ATP6V1C2: variants seen among roughly 807,000 people sequenced by gnomAD.
ATP6V1C2 encodes V-type proton ATPase subunit C 2.
A neutral mutation model predicts 56.8 loss-of-function variants in ATP6V1C2; 45 were observed. That is an observed-to-expected ratio of 0.79 (90% CI 0.62 to 1.02). The LOEUF (loss-of-function observed/expected upper bound fraction) is 1.02. Among genes scored for constraint, ATP6V1C2 ranks in the 50% least tolerant of loss-of-function variants. ATP6V1C2 has a pLI of 0.00. For synonymous variants in ATP6V1C2, 220 were observed against 201.3 expected (o/e 1.09, Z -0.79); for missense variants, 463 against 519.7 (o/e 0.89, Z 1.06).
At chr2:10,782,828 T>A (rs1665458063) in intron 13 of ATP6V1C2, among the ~76,000 whole-genome samples, 1 of 32,854 alleles carries the variant, frequency 3.0e-5, no homozygotes, top group African/African-American at 1.8e-4. Flanking sequence ...AGACTCTGTC[T>A]CAAAAAAAAA....
rs973080905 is a variant in ATP6V1C2, at chr2:10,722,821, C to A, written c.-26-3C>A. ...TGTGTATGTTTGTCCTGGTTCTGGG[C>A]AGTCACTGGGTAAGAGAAGACTGGA... On this transcript the variant is annotated splice_region_variant and splice_polypyrimidine_tract_variant and intron_variant, in intron 1 of 13. Coordinates refer to ENST00000272238, the MANE Select transcript of ATP6V1C2 (RefSeq NM_001039362.2). The A allele has an allele frequency of 3.1e-6, 5 of 1,612,346 alleles. No homozygotes were observed. In the African/African-American group the frequency reaches 4.0e-5, roughly 13 times the overall value.
intron 2 of ATP6V1C2, 30 bp downstream of exon 2, chr2:10,723,008 G>A: frequency 6.2e-7 from 1 of 1,613,072 alleles, no homozygotes; most frequent in Non-Finnish European, 8.5e-7. Context: ...GTGAAAAAGG[G>A]ATGGATTGGT....
At chr2:10,742,770 C>T (rs1049699908) in intron 3 of ATP6V1C2, among the ~76,000 whole-genome samples, 50 of 152,164 alleles carry the variant, frequency 3.3e-4, no homozygotes, top group Non-Finnish European at 8.8e-5. Context: ...ATCAGCAGGG[C>T]TAAGAGGTGC....
intron 3 of ATP6V1C2, among the ~76,000 whole-genome samples, chr2:10,751,638 T>C (rs779203794): frequency 2.6e-5 from 4 of 152,070 alleles, no homozygotes; most frequent in Non-Finnish European, 5.9e-5. Context: ...ACATAACGAC[T>C]GGATGGTTGG....
In ATP6V1C2 at chr2:10,754,079, G is replaced by A. The variant is rs758385263; in HGVS notation, c.283+13G>A. On this transcript the variant is annotated intron_variant, in intron 4 of 13. Coordinates refer to ENST00000272238, the MANE Select transcript of ATP6V1C2 (RefSeq NM_001039362.2). ...CTGGCAAACGGAGGTAGGTAGGGCG[G>A]CCCTCTGATGTGGAGCACAATCTCC... The A allele has an allele frequency of 6.4e-5, 101 of 1,585,578 alleles. No homozygotes were observed. The highest frequency in any genetic ancestry group is 1.6e-4 in the Admixed American group (9 of 57,504).
At chr2:10,731,905 C>T (rs1050665411) in intron 3 of ATP6V1C2, among the ~76,000 whole-genome samples, 6 of 151,610 alleles carry the variant, frequency 4.0e-5, no homozygotes, top group Non-Finnish European at 5.9e-5. Flanking sequence ...CCCAGGAGGT[C>T]GAGGCTGCAG....
At position 10,753,173 on chromosome 2, in the gene ATP6V1C2, A is replaced by G. The variant is rs186871794; in HGVS notation, c.198-808A>G. Among the ~76,000 whole-genome samples, 51 of 152,362 alleles carry G rather than the reference A, an allele frequency of 3.3e-4. 1 individual carries two copies. The East Asian group carries it at 7.9e-3, about 24-fold the overall frequency. On this transcript the variant is annotated intron_variant, in intron 3 of 13. Coordinates refer to ENST00000272238, the MANE Select transcript of ATP6V1C2 (RefSeq NM_001039362.2). ...CTAATTGTAAAAGCAATATCTGATT[A>G]TAATTGGAAAATATGTAAAGTAGGA...
intron 10 of ATP6V1C2, among the ~76,000 whole-genome samples, chr2:10,775,764 G>A (rs1664924631): frequency 6.6e-6 from 1 of 152,196 alleles, no homozygotes; most frequent in African/African-American, 2.4e-5. Context: ...CTGCTGCGAT[G>A]CTGGGCTAGG....
Position 10,784,314 on chromosome 2 carries a change from C to CATGA in ATP6V1C2, c.*1051_*1052insATGA. The CATGA allele has an allele frequency of 6.2e-7, 1 of 1,613,080 alleles. No homozygotes were observed. Reference sequence around the variant, plus strand: ...TCCACATCACTGAGGTCAATGTCATCCTCCACGGGAAGCTGGGAGACGACA... The same window carrying CATGA: ...TCCACATCACTGAGGTCAATGTCATCATGACTCCACGGGAAGCTGGGAGACGACA... On this transcript the variant is annotated 3_prime_UTR_variant, in exon 14 of 14. Transcript: ENST00000272238.
intron 3 of ATP6V1C2, 81 bp from the exon 4 acceptor site, chr2:10,753,900 A>G: frequency 7.7e-7 from 1 of 1,294,972 alleles, no homozygotes; most frequent in Non-Finnish European, 1.1e-6. Flanking sequence ...GTCACCAGCT[A>G]CTTTTCCTGC....
In ATP6V1C2 at chr2:10,763,007, T is replaced by A. The variant is rs1303903141; in HGVS notation, c.284-1324T>A. Among the ~76,000 whole-genome samples, 1 of 152,092 alleles carries A rather than the reference T, an allele frequency of 6.6e-6. No homozygotes were observed. Among genetic ancestry groups the A allele is most frequent in the Non-Finnish European group, 1.5e-5 (1 of 67,994 alleles). ...CTTGGTCAGCTGGAGTCTTGTTTGG[T>A]GACCCCACTGGGCGCTGCTGTTGGG... On this transcript the variant is annotated intron_variant, in intron 4 of 13. Transcript: ENST00000272238. The surrounding 1 kb of genome is among the most constrained non-coding windows in gnomAD (Gnocchi z 4.2).
rs924728918 is a variant in ATP6V1C2 at position 10,745,867 on chromosome 2, T to C, written c.198-8114T>C. 2.6e-5 allele frequency among the ~76,000 whole-genome samples: 4 copies of C among 152,328 alleles called. No homozygotes were observed. The East Asian group carries it at 5.8e-4, about 22-fold the overall frequency. ...CGTACCTCCTATGAATGAAATCATA[T>C]AGTGTTTGACCTTTTCTGCCTGGCT... On this transcript the variant is annotated intron_variant, in intron 3 of 13. Coordinates refer to ENST00000272238, the MANE Select transcript of ATP6V1C2 (RefSeq NM_001039362.2).
At chr2:10,723,275 G>A (rs1024826477) in intron 2 of ATP6V1C2, among the ~76,000 whole-genome samples, 2 of 152,202 alleles carry the variant, frequency 1.3e-5, no homozygotes, top group Non-Finnish European at 2.9e-5. Flanking sequence ...CACGTTAAAT[G>A]CACACTCAGG....
chr2:10,751,944 CA>C (rs1663239240), intron 3 of ATP6V1C2, among the ~76,000 whole-genome samples: 1 of 151,566 alleles, frequency 6.6e-6, no homozygotes, highest in East Asian at 1.9e-4. Flanking sequence ...CTTGTCTCTA[CA>C]AAAAAATTTA....
At chr2:10,765,480 C>A (rs1289117560) in intron 5 of ATP6V1C2, among the ~76,000 whole-genome samples, 1 of 152,270 alleles carries the variant, frequency 6.6e-6, no homozygotes, top group African/African-American at 2.4e-5. Context: ...TCTACTGTGA[C>A]TGTGGCCAAG....
At chr2:10,765,557 G>A (rs190260113) in intron 5 of ATP6V1C2, among the ~76,000 whole-genome samples, 4 of 152,356 alleles carry the variant, frequency 2.6e-5, no homozygotes, top group Admixed American at 2.6e-4. Flanking sequence ...GGAAAGTAGG[G>A]TGGGGCCAGA....
intron 3 of ATP6V1C2, among the ~76,000 whole-genome samples, chr2:10,745,037 TTTTC>T (rs1446670799): frequency 5.0e-5 from 5 of 99,176 alleles, no homozygotes; most frequent in Non-Finnish European, 1.0e-4. Context: ...TGTTTATTTA[TTTTC>T]TTTTTTTTTT....
At chr2:10,766,935 T>TCACTG (rs1664260225) in intron 5 of ATP6V1C2, among the ~76,000 whole-genome samples, 1 of 152,046 alleles carries the variant, frequency 6.6e-6, no homozygotes, top group Non-Finnish European at 1.5e-5. Context: ...CTGTGGGAAA[T>TCACTG]CACTGTGGGA....
intron 4 of ATP6V1C2, among the ~76,000 whole-genome samples, chr2:10,757,049 G>A (rs1012881553): frequency 1.0e-4 from 11 of 107,154 alleles, no homozygotes; most frequent in Non-Finnish European, 1.7e-4. Context: ...GTCTCACTCT[G>A]TTACCCAGGC....
Sources: allele counts gnomAD v4.1 joint callset (sites outside exome capture counted in the v4.1 genomes callset), GRCh38; gene constraint gnomAD v4.1.1; non-coding constraint Gnocchi (gnomAD v3.1); transcripts MANE v1.5; gene names NCBI Gene and HGNC (gene_info 2026-07-23, HGNC 2026-07-21).